Variants in ATP11B observed in about 807,000 individuals in gnomAD.
ATP11B encodes ATPase phospholipid transporting 11B (putative).
ATP11B carries 81 observed loss-of-function variants against 157.8 expected under a neutral mutation model. The ratio of observed to expected loss-of-function variants is 0.51; its 90% confidence interval spans 0.43 to 0.62. The LOEUF (loss-of-function observed/expected upper bound fraction) is 0.62, where lower values mean the gene tolerates loss of function less well. Among genes scored for constraint, ATP11B ranks in the 20% least tolerant of loss-of-function variants. The probability of loss-of-function intolerance (pLI) is 0.00; values close to 1 mark genes in which losing one functional copy is unlikely to be tolerated. For synonymous variants in ATP11B, 451 were observed against 469.4 expected, an observed-to-expected ratio of 0.96 and a Z score of 0.51; for missense variants, 1,165 against 1,402.2, an observed-to-expected ratio of 0.83 and a Z score of 2.70.
chr3:182,839,745 G>A (rs983329526), intron 7 of ATP11B, among the ~76,000 whole-genome samples: 1 of 152,062 alleles, frequency 6.6e-6, no homozygotes, highest in Non-Finnish European at 1.5e-5. Flanking sequence ...CAAGTAGATA[G>A]GATTATATGT....
At chr3:182,801,918 A>C (rs1398413055) in intron 1 of ATP11B, among the ~76,000 whole-genome samples, 1 of 152,204 alleles carries the variant, frequency 6.6e-6, no homozygotes, top group Non-Finnish European at 1.5e-5. Flanking sequence ...TCTAAGCAGG[A>C]GATGTAGTTC....
rs115819076 is a variant in ATP11B, at chr3:182,816,634, C to G, written c.28-3626C>G. ...GGTGTTACTGAAACATAAAGATTCT[C>G]TTGAGGTAGTTTTAAATATAGAATT... On this transcript the variant is annotated intron_variant, in intron 1 of 29. Transcript: ENST00000323116. Among the ~76,000 whole-genome samples, 1,465 of 152,272 alleles carry G rather than the reference C, an allele frequency of 9.6e-3. 25 individuals carry two copies. Among genetic ancestry groups the G allele is most frequent in the African/African-American group, 0.033 (1,389 of 41,564 alleles).
chr3:182,812,317 G>A (rs1167158867), intron 1 of ATP11B, among the ~76,000 whole-genome samples: 2 of 152,178 alleles, frequency 1.3e-5, no homozygotes, highest in Non-Finnish European at 2.9e-5. Flanking sequence ...TGTTGGGGGA[G>A]AAGGAGGAAG....
chr3:182,797,252 TC>T (rs1255638118), intron 1 of ATP11B, among the ~76,000 whole-genome samples: 1 of 152,238 alleles, frequency 6.6e-6, no homozygotes, highest in Non-Finnish European at 1.5e-5. Flanking sequence ...TTCAAGCCTC[TC>T]TGCTACTTTT....
At chr3:182,841,019 TTTGCTG>T (rs1342789804) in intron 7 of ATP11B, among the ~76,000 whole-genome samples, 5 of 151,988 alleles carry the variant, frequency 3.3e-5, no homozygotes, top group Non-Finnish European at 7.4e-5. Context: ...CTCTGCCCTG[TTTGCTG>T]TCCTTCCACC....
intron 1 of ATP11B, among the ~76,000 whole-genome samples, chr3:182,815,002 G>A (rs1302269161): frequency 1.3e-5 from 2 of 152,180 alleles, no homozygotes; most frequent in Non-Finnish European, 2.9e-5. Flanking sequence ...GCTGAAAAAT[G>A]AAGGATGAGT....
chr3:182,896,628 A>T, intron 25 of ATP11B, 72 bp from the exon 26 acceptor site: 1 of 1,299,176 alleles, frequency 7.7e-7, no homozygotes, highest in Non-Finnish European at 1.1e-6. Flanking sequence ...TTAGTAGAGA[A>T]TTAAATGACT....
chr3:182,885,639 T>C (rs1043024419), intron 22 of ATP11B, among the ~76,000 whole-genome samples: 21 of 152,166 alleles, frequency 1.4e-4, no homozygotes, highest in African/African-American at 3.9e-4. Flanking sequence ...ATCTTACTTA[T>C]TGTACTATAT....
chr3:182,808,987 GCTTT>G (rs1716492888), intron 1 of ATP11B, among the ~76,000 whole-genome samples: 1 of 151,604 alleles, frequency 6.6e-6, no homozygotes, highest in Non-Finnish European at 1.5e-5. Context: ...TGTTTCCCTT[GCTTT>G]CTTTTTTATT....
chr3:182,911,634 C>T (rs528470729), intron 28 of ATP11B, among the ~76,000 whole-genome samples: 1 of 152,216 alleles, frequency 6.6e-6, no homozygotes, highest in East Asian at 1.9e-4. Flanking sequence ...ACGTGGTGAG[C>T]ACTCCACTAA....
In ATP11B at chr3:182,889,664, A is replaced by G; in HGVS notation, c.2982+116A>G. On this transcript the variant is annotated intron_variant, in intron 25 of 29. Transcript: ENST00000323116. ...CAGAACTTCAAGTATTAAAATGCAAATATAAAAAGGTTTAAATTTTGTGGT... is the reference window on the plus strand; with the variant it reads ...CAGAACTTCAAGTATTAAAATGCAAGTATAAAAAGGTTTAAATTTTGTGGT... 4 of 959,192 alleles carry G rather than the reference A, an allele frequency of 4.2e-6. No homozygotes were observed. The South Asian group carries it at 5.6e-5, about 13-fold the overall frequency. 59.4% of individuals were successfully genotyped at this position (959,192 alleles called of 1,614,324 possible).
Position 182,920,811 on chromosome 3 carries a change from A to AAAG in ATP11B, c.*2708_*2710dup, listed in dbSNP as rs1349585781. On this transcript the variant is annotated 3_prime_UTR_variant, in exon 30 of 30. Coordinates refer to ENST00000323116, the MANE Select transcript of ATP11B (RefSeq NM_014616.3). Reference sequence around the variant, plus strand: ...ACGAAGACCTGCTGTCGAGTTGAGAAAAGGGGAGAATTTATGGTCTGAATT... The same window carrying AAAG: ...ACGAAGACCTGCTGTCGAGTTGAGAAAAGAAGGGGAGAATTTATGGTCTGAATT... 1 of 152,272 alleles carries AAAG rather than the reference A, an allele frequency of 6.6e-6. No individual in the cohort carries two copies. The highest frequency in any genetic ancestry group is 2.4e-5 in the African/African-American group (1 of 41,458). 9.4% of individuals were successfully genotyped at this position (152,272 alleles called of 1,614,324 possible).
chr3:182,890,085 A>T (rs1442758358), intron 25 of ATP11B, among the ~76,000 whole-genome samples: 1 of 152,212 alleles, frequency 6.6e-6, no homozygotes, highest in Non-Finnish European at 1.5e-5. Flanking sequence ...TTACTGTTTA[A>T]TTTGGCCACT....
At chr3:182,869,623 G>A (rs943565674) in intron 17 of ATP11B, among the ~76,000 whole-genome samples, 1 of 152,220 alleles carries the variant, frequency 6.6e-6, no homozygotes, top group Non-Finnish European at 1.5e-5. Context: ...ATGATGTGGA[G>A]AAACTGGAAC....
chr3:182,863,805 T>C (rs1369550528), intron 12 of ATP11B, among the ~76,000 whole-genome samples: 1 of 152,062 alleles, frequency 6.6e-6, no homozygotes, highest in East Asian at 1.9e-4. Flanking sequence ...GATAGTGCAG[T>C]CTGTATTCTA....
At position 182,801,430 on chromosome 3, in the gene ATP11B, A is replaced by T. The variant is rs531255126; in HGVS notation, c.27+7644A>T. ...ACTGTGTGAAGCCGGTAAAGCTGGT[A>T]CAGGTTATTTTTATTCTTTCTTTAA... On this transcript the variant is annotated intron_variant, in intron 1 of 29. Coordinates refer to ENST00000323116, the MANE Select transcript of ATP11B (RefSeq NM_014616.3). Among the ~76,000 whole-genome samples the T allele has an allele frequency of 7.9e-5, 12 of 152,328 alleles. No individual in the cohort carries two copies. The East Asian group carries it at 2.1e-3, about 27-fold the overall frequency.
intron 28 of ATP11B, among the ~76,000 whole-genome samples, chr3:182,913,389 T>A (rs1724928364): frequency 6.6e-6 from 1 of 152,188 alleles, no homozygotes; most frequent in Non-Finnish European, 1.5e-5. Context: ...CCTGCCTGAT[T>A]GTTATTTCCC....
intron 12 of ATP11B, among the ~76,000 whole-genome samples, 173 bp downstream of exon 12, chr3:182,859,532 T>G (rs572487821): frequency 2.4e-4 from 36 of 152,290 alleles, no homozygotes; most frequent in Middle Eastern, 3.4e-3. Flanking sequence ...TTTTGTTATT[T>G]ACCACTATAT....
intron 11 of ATP11B, among the ~76,000 whole-genome samples, chr3:182,858,843 TATAATTATA>T (rs1172642205): frequency 6.6e-6 from 1 of 152,164 alleles, no homozygotes; most frequent in African/African-American, 2.4e-5. Flanking sequence ...CTGCAGATAT[TATAATTATA>T]ATTTTGCCAA....
Sources: gnomAD v4.1 joint callset for allele counts (sites outside exome capture counted in the v4.1 genomes callset) on GRCh38, gnomAD v4.1.1 for gene constraint, MANE v1.5 for transcripts, NCBI Gene and HGNC (gene_info 2026-07-23, HGNC 2026-07-21) for gene names.